Variants in CNTNAP5 observed in about 807,000 individuals in gnomAD.
CNTNAP5 encodes contactin associated protein family member 5.
CNTNAP5 carries 72 observed loss-of-function variants against 150.2 expected under a neutral mutation model. The ratio of observed to expected loss-of-function variants is 0.48; its 90% CI spans 0.40 to 0.58. CNTNAP5 has a LOEUF of 0.58. Among genes scored for constraint, CNTNAP5 ranks in the 20% least tolerant of loss-of-function variants. The pLI is 0.00. For synonymous variants in CNTNAP5, 672 were observed against 619.8 expected (o/e 1.08, Z -1.25); for missense variants, 1,636 against 1,626.2 (o/e 1.01, Z -0.10).
chr2:124,640,004 C>A (rs547124769), intron 12 of CNTNAP5, among the ~76,000 whole-genome samples: 1 of 152,206 alleles, frequency 6.6e-6, no homozygotes, highest in East Asian at 1.9e-4. Context: ...TTCCTAGAAC[C>A]AGCTGTGAAC....
intron 1 of CNTNAP5, among the ~76,000 whole-genome samples, chr2:124,126,628 AT>A (rs997040047): frequency 6.6e-6 from 1 of 152,194 alleles, no homozygotes; most frequent in Non-Finnish European, 1.5e-5. Flanking sequence ...TTAGTCCAAT[AT>A]CCCTGATGAA....
At chr2:124,758,065 C>G (rs967772956) in intron 14 of CNTNAP5, among the ~76,000 whole-genome samples, 3 of 152,066 alleles carry the variant, frequency 2.0e-5, no homozygotes, top group Non-Finnish European at 4.4e-5. Context: ...AGATTAGAAG[C>G]AGGGATCCAG....
chr2:124,701,454 A>G (rs13412035), intron 13 of CNTNAP5, among the ~76,000 whole-genome samples: 39,314 of 152,012 alleles, frequency 0.26, 5,352 homozygotes, highest in African/African-American at 0.32. Context: ...GTTTTCATAT[A>G]TTGGGTATTG....
intron 7 of CNTNAP5, among the ~76,000 whole-genome samples, chr2:124,482,092 G>A (rs543975464): frequency 6.6e-6 from 1 of 152,282 alleles, no homozygotes; most frequent in Non-Finnish European, 1.5e-5. Flanking sequence ...GCTTCCTGAT[G>A]CAAAACATCC....
intron 1 of CNTNAP5, among the ~76,000 whole-genome samples, chr2:124,145,835 A>AAAG (rs1553441872): frequency 0.17 from 8,599 of 49,530 alleles, 394 homozygotes; most frequent in Non-Finnish European, 0.23. Flanking sequence ...AAAAGAAGAA[A>AAAG]AAAAAAAAAA....
intron 8 of CNTNAP5, among the ~76,000 whole-genome samples, chr2:124,514,269 T>A (rs771574719): frequency 2.0e-5 from 3 of 152,230 alleles, no homozygotes; most frequent in African/African-American, 7.2e-5. Context: ...AAAGTAGTGA[T>A]TTCTTGGGCG....
rs1343705166 is a variant in CNTNAP5 at position 124,448,713 on chromosome 2, A to G, written c.918+1776A>G. Among the ~76,000 whole-genome samples the G allele has an allele frequency of 2.0e-5, 3 of 152,206 alleles. No homozygotes were observed. The South Asian group carries it at 6.2e-4, about 32-fold the overall frequency. On this transcript the variant is annotated intron_variant, in intron 6 of 23. Transcript: ENST00000682447. Reference sequence around the variant, plus strand: ...TTTTAAAGGGTTGTAAAGGCAATAAAGAAATTTTTCAAAAAGAATATATGA... The same window carrying G: ...TTTTAAAGGGTTGTAAAGGCAATAAGGAAATTTTTCAAAAAGAATATATGA...
chr2:124,649,555 G>A (rs1478760065), intron 13 of CNTNAP5, among the ~76,000 whole-genome samples: 1 of 152,148 alleles, frequency 6.6e-6, no homozygotes, highest in African/African-American at 2.4e-5. Context: ...CTACACCATT[G>A]ACTTTGCAAA....
intron 3 of CNTNAP5, among the ~76,000 whole-genome samples, chr2:124,336,422 G>A (rs909249405): frequency 3.3e-5 from 5 of 151,732 alleles, no homozygotes; most frequent in East Asian, 1.9e-4. Flanking sequence ...TGTGCATAAC[G>A]TGCAGGTTTG....
Position 124,498,080 on chromosome 2 carries a change from G to A in CNTNAP5, c.1063-6212G>A, listed in dbSNP as rs767103548. Among the ~76,000 whole-genome samples, 6 of 152,120 alleles carry A rather than the reference G, an allele frequency of 3.9e-5. No homozygotes were observed. In the South Asian group the frequency reaches 6.2e-4, roughly 16 times the overall value. ...TCTCCTTTTGGATGAGTTTCTCTGC[G>A]ACAGAGGAAAGCTTTTAGGTGGATG... On this transcript the variant is annotated intron_variant, in intron 7 of 23. Coordinates refer to ENST00000682447, the MANE Select transcript of CNTNAP5 (RefSeq NM_001367498.1).
chr2:124,227,879 G>T (rs772040552), intron 2 of CNTNAP5, among the ~76,000 whole-genome samples: 1 of 150,642 alleles, frequency 6.6e-6, no homozygotes, highest in Non-Finnish European at 1.5e-5. Context: ...GAACCAACGG[G>T]ATATATATAT....
intron 13 of CNTNAP5, among the ~76,000 whole-genome samples, chr2:124,668,006 A>G (rs1678735901): frequency 6.6e-6 from 1 of 152,186 alleles, no homozygotes; most frequent in Non-Finnish European, 1.5e-5. Flanking sequence ...CAAATGATAA[A>G]ATGTGAACTT....
chr2:124,084,573 G>C (rs1682633580), intron 1 of CNTNAP5, among the ~76,000 whole-genome samples: 1 of 151,776 alleles, frequency 6.6e-6, no homozygotes, highest in Non-Finnish European at 1.5e-5. Context: ...CTGCCCTGTA[G>C]ATTCTTGACT....
At chr2:124,763,831 T>C (rs781137197) in intron 15 of CNTNAP5, 32 bp downstream of exon 15, 17 of 1,612,116 alleles carry the variant, frequency 1.1e-5, no homozygotes, top group Non-Finnish European at 1.2e-5. Context: ...GCTTTCTCTC[T>C]GCATTACATG....
At chr2:124,151,490 G>A (rs944001999) in intron 1 of CNTNAP5, among the ~76,000 whole-genome samples, 1 of 152,156 alleles carries the variant, frequency 6.6e-6, no homozygotes, top group Non-Finnish European at 1.5e-5. Context: ...TACCAGTTGT[G>A]TGATTTTAGA....
intron 8 of CNTNAP5, among the ~76,000 whole-genome samples, chr2:124,504,845 T>C (rs1360797618): frequency 6.6e-6 from 1 of 151,704 alleles, no homozygotes; most frequent in African/African-American, 2.4e-5. Context: ...TAGCTGGGAC[T>C]ACAGATGCAC....
At chr2:124,278,792 C>A (rs1350693336) in intron 3 of CNTNAP5, among the ~76,000 whole-genome samples, 5 of 152,170 alleles carry the variant, frequency 3.3e-5, no homozygotes, top group African/African-American at 1.2e-4. Flanking sequence ...ATCTCCTCTT[C>A]TTTCCTCCTT....
intron 1 of CNTNAP5, among the ~76,000 whole-genome samples, chr2:124,173,869 G>T (rs1040237772): frequency 6.6e-6 from 1 of 152,194 alleles, no homozygotes; most frequent in Non-Finnish European, 1.5e-5. Flanking sequence ...GAGAGGAGAA[G>T]TCAATGCCTA....
intron 3 of CNTNAP5, among the ~76,000 whole-genome samples, chr2:124,272,477 C>G (rs1687784123): frequency 1.3e-5 from 2 of 152,178 alleles, no homozygotes; most frequent in Non-Finnish European, 2.9e-5. Flanking sequence ...CAGAAACCAT[C>G]TGCTCTCTCC....
Sources: allele counts gnomAD v4.1 joint callset (sites outside exome capture counted in the v4.1 genomes callset), GRCh38; gene constraint gnomAD v4.1.1; transcripts MANE v1.5; gene names NCBI Gene and HGNC (gene_info 2026-07-23, HGNC 2026-07-21).